H1-8: variants seen among roughly 807,000 people sequenced by gnomAD.
H1-8 encodes the protein histone H1.8.
In H1-8, 13 loss-of-function variants were observed where a neutral mutation model predicts 19.5. The observed-to-expected ratio is 0.67, with a 90% CI of 0.43 to 1.06. The LOEUF (loss-of-function observed/expected upper bound fraction) is 1.06. Ranked by LOEUF, H1-8 falls within the 50% of genes least tolerant of loss-of-function variation. H1-8 has a pLI of 0.00. For missense variants in H1-8, 432 were observed against 459.8 expected (o/e 0.94, Z 0.55); for synonymous variants, 193 against 187.6 (o/e 1.03, Z -0.24).
At chr3:129,549,927 G>A (rs1482997730) in intron 3 of H1-8, among the ~76,000 whole-genome samples, 5 of 152,144 alleles carry the variant, frequency 3.3e-5, no homozygotes, top group East Asian at 1.9e-4. Context: ...GTACTCCAGC[G>A]TGGGTGACAG....
chr3:129,545,441 CTTA>C (rs2084880373), intron 1 of H1-8, among the ~76,000 whole-genome samples: 1 of 152,146 alleles, frequency 6.6e-6, no homozygotes, highest in African/African-American at 2.4e-5. Flanking sequence ...TTTATAACAC[CTTA>C]TTGAGAAATA....
chr3:129,549,291 G>A lies in H1-8; in HGVS notation c.669G>A (p.Lys223=), dbSNP rs1447851960. Residue 223 remains lysine (K), a synonymous_variant, in exon 3 of 5, where the codon AAG becomes AAA. Transcript: ENST00000324382. ...GGAAGGTGCCCCCCAAGCCAGACAA[G>A]GCCATGCGGGCACCTTCCAGTGCTG... ...EARKVPPKPD[K]AMRAPSSAGG... 1.3e-6 allele frequency: 2 copies of A among 1,593,554 alleles called. No homozygotes were observed. Among genetic ancestry groups the A allele is most frequent in the African/African-American group, 2.7e-5 (2 of 74,932 alleles).
At chr3:129,543,594 C>G (rs557230208) in intron 1 of H1-8, among the ~76,000 whole-genome samples, 1 of 152,220 alleles carries the variant, frequency 6.6e-6, no homozygotes, top group Non-Finnish European at 1.5e-5. Context: ...AGCTGGAGCC[C>G]GTTTCCTGCT....
At chr3:129,548,497 TGG>T (rs1446306577) in intron 2 of H1-8, 1 of 988,164 alleles carries the variant, frequency 1.0e-6, no homozygotes, top group Non-Finnish European at 1.2e-6. Flanking sequence ...GTCTTGGTGA[TGG>T]GGAGCCCTGA....
chr3:129,549,108 G>A lies in H1-8; in HGVS notation c.486G>A (p.Glu162=). The A allele has an allele frequency of 6.3e-7, 1 of 1,599,234 alleles. No individual in the cohort carries two copies. Among genetic ancestry groups the A allele is most frequent in the Non-Finnish European group, 8.5e-7 (1 of 1,172,070 alleles). The change falls in exon 3 of 5, where the codon GAG becomes GAA. Residue 162 remains glutamate (E), a synonymous_variant. Coordinates refer to ENST00000324382, the MANE Select transcript of H1-8 (RefSeq NM_153833.3). ...AKGKGPKKPS[E]AKEDPPNVGK... is the part of the protein sequence containing the mutation. ...GGAAGGGCCCCAAGAAACCAAGTGA[G>A]GCCAAGGAGGACCCTCCCAACGTGG...
chr3:129,548,530 A>G, intron 2 of H1-8: 1 of 987,160 alleles, frequency 1.0e-6, no homozygotes, highest in Non-Finnish European at 1.2e-6. Flanking sequence ...ACAGGAAAGA[A>G]ACAGCTTGCC....
intron 1 of H1-8, among the ~76,000 whole-genome samples, chr3:129,547,129 G>A (rs1396398693): frequency 6.6e-6 from 1 of 152,144 alleles, no homozygotes; most frequent in African/African-American, 2.4e-5. Context: ...CCCAGGAGGT[G>A]GAGGTTGCAG....
intron 1 of H1-8, among the ~76,000 whole-genome samples, chr3:129,546,138 AATAATAATAATAATAATAATG>A (rs2084886856): frequency 6.8e-6 from 1 of 147,832 alleles, no homozygotes; most frequent in African/African-American, 2.5e-5. Context: ...TAATAATAAT[AATAATAATAATAATAATAATG>A]ATAATAATAC....
rs2084932298 is a variant in H1-8 at position 129,551,409 on chromosome 3, CTATT to C, written c.*75_*78del. On this transcript the variant is annotated 3_prime_UTR_variant, in exon 5 of 5. Transcript: ENST00000324382. ...TTTTATTCTTCAACTAACCACTGCT[CTATT>C]TATTTCATTGTAAGCTATTTATCAA... The C allele has an allele frequency of 6.6e-6, 6 of 904,424 alleles. No homozygotes were observed. Among genetic ancestry groups the C allele is most frequent in the Non-Finnish European group, 1.0e-5 (6 of 586,138 alleles). 56.0% of individuals were successfully genotyped at this position (904,424 alleles called of 1,614,324 possible).
intron 1 of H1-8, among the ~76,000 whole-genome samples, chr3:129,546,268 G>A (rs1401411779): frequency 5.9e-5 from 9 of 152,110 alleles, no homozygotes; most frequent in Admixed American, 2.0e-4. Context: ...AGGCTGCAGT[G>A]AGCCATGATT....
chr3:129,549,247 G>T lies in H1-8; in HGVS notation c.625G>T (p.Ala209Ser), dbSNP rs749657850. ...AGGCGGCGCGGCCAAGGACACCAGGGCACAGTCGGGAGAGGCTAGGAAGGT... is the reference window on the plus strand; with the variant it reads ...AGGCGGCGCGGCCAAGGACACCAGGTCACAGTCGGGAGAGGCTAGGAAGGT... ...KQGGAAKDTR[A>S]QSGEARKVPP... The change falls in exon 3 of 5, where the codon GCA (alanine) becomes TCA (serine). Residue 209 changes from alanine (A) to serine (S), a missense_variant. Transcript: ENST00000324382. 1 of 1,591,166 alleles carries T rather than the reference G, an allele frequency of 6.3e-7. No individual in the cohort carries two copies. Among genetic ancestry groups the T allele is most frequent in the South Asian group, 1.1e-5 (1 of 88,216 alleles).
intron 1 of H1-8, 43 bp downstream of exon 1, chr3:129,543,349 A>C (rs1168824055): frequency 9.6e-6 from 14 of 1,457,308 alleles, no homozygotes; most frequent in Non-Finnish European, 1.3e-5. Flanking sequence ...CTGCGAGCCC[A>C]CTCCCTGGGT....
At position 129,549,270 on chromosome 3, in the gene H1-8, G is replaced by C; in HGVS notation, c.648G>C (p.Lys216Asn). Residue 216 changes from lysine to asparagine, a missense_variant, in exon 3 of 5, where the codon AAG becomes AAC. By Grantham distance (94) the Lys-to-Asn change is moderately conservative. Transcript: ENST00000324382. ...GGGCACAGTCGGGAGAGGCTAGGAA[G>C]GTGCCCCCCAAGCCAGACAAGGCCA... is the stretch of plus-strand genomic sequence containing the variant. Reference protein sequence around the residue: ...DTRAQSGEARKVPPKPDKAMR... With the variant: ...DTRAQSGEARNVPPKPDKAMR... 6.4e-7 allele frequency: 1 copy of C among 1,568,760 alleles called. No individual in the cohort carries two copies. Among genetic ancestry groups the C allele is most frequent in the South Asian group, 1.2e-5 (1 of 85,700 alleles).
intron 1 of H1-8, 49 bp from the exon 2 acceptor site, chr3:129,547,342 C>T: frequency 6.9e-7 from 1 of 1,455,820 alleles, no homozygotes; most frequent in Non-Finnish European, 9.1e-7. Flanking sequence ...TGATGCCTGC[C>T]ACTGAGTTGT....
chr3:129,544,243 G>A (rs1021959292), intron 1 of H1-8, among the ~76,000 whole-genome samples: 11 of 152,144 alleles, frequency 7.2e-5, no homozygotes, highest in Non-Finnish European at 1.6e-4. Context: ...TGCTAGGGGA[G>A]CAGTGGGAGG....
In H1-8 at chr3:129,551,355, G is replaced by C. The variant is rs2084931586; in HGVS notation, c.*15G>C. ...CTGAAGCTTAGGGCCAGAGGCAGGG[G>C]CGGAGAGAGACCGAGCCTCTGCCCT... On this transcript the variant is annotated 3_prime_UTR_variant, in exon 5 of 5. Transcript: ENST00000324382. 6.4e-7 allele frequency: 1 copy of C among 1,560,492 alleles called. No individual in the cohort carries two copies. Among genetic ancestry groups the C allele is most frequent in the Admixed American group, 1.8e-5 (1 of 56,334 alleles).
intron 2 of H1-8, 138 bp downstream of exon 2, chr3:129,547,818 C>T (rs1281485044): frequency 1.3e-6 from 1 of 799,100 alleles, no homozygotes. Context: ...GCCGAGATGC[C>T]CTCTCCTCTA....
chr3:129,544,028 C>T (rs2084870423), intron 1 of H1-8, among the ~76,000 whole-genome samples: 1 of 152,098 alleles, frequency 6.6e-6, no homozygotes, highest in African/African-American at 2.4e-5. Flanking sequence ...AGTAAAAGGG[C>T]AGAGTTAACT....
In H1-8 at chr3:129,549,228, C is replaced by T. The variant is rs200057172; in HGVS notation, c.606C>T (p.Gly202=). The T allele has an allele frequency of 4.9e-5, 78 of 1,580,628 alleles. 1 individual carries two copies. The East Asian group carries it at 5.7e-4, about 12-fold the overall frequency. The change falls in exon 3 of 5, where the codon GGC becomes GGT. Residue 202 remains glycine, a synonymous_variant. Coordinates refer to ENST00000324382, the MANE Select transcript of H1-8 (RefSeq NM_153833.3). ...CAGAGAAGGCTCGCAAGCAAGGCGG[C>T]GCGGCCAAGGACACCAGGGCACAGT... ...AATEKARKQG[G]AAKDTRAQSG... is the part of the protein sequence containing the mutation.
Sources: gnomAD v4.1 joint callset for allele counts (sites outside exome capture counted in the v4.1 genomes callset) on GRCh38, gnomAD v4.1.1 for gene constraint, MANE v1.5 for transcripts, NCBI Gene and HGNC (gene_info 2026-07-23, HGNC 2026-07-21) for gene names.